Variants in CAST observed in about 807,000 individuals in gnomAD.
CAST encodes the protein MIR583 host.
In CAST, 76 loss-of-function variants were observed where a neutral mutation model predicts 119.6. That is an observed-to-expected ratio of 0.64 (90% CI 0.53 to 0.77). The LOEUF is 0.77. Ranked by LOEUF, CAST falls within the 30% of genes least tolerant of loss-of-function variation. The pLI, the probability that CAST is intolerant of heterozygous loss-of-function variation, is 0.00. For synonymous variants in CAST, 319 were observed against 331.6 expected, an observed-to-expected ratio of 0.96 and a Z score of 0.41; for missense variants, 953 against 946.5, an observed-to-expected ratio of 1.01 and a Z score of -0.09.
the CAST span, among the ~76,000 whole-genome samples, chr5:96,516,848 C>T: frequency 6.6e-6 from 1 of 152,196 alleles, no homozygotes; most frequent in Non-Finnish European, 1.5e-5. Flanking sequence ...GGGGAAAATG[C>T]CCAGCTCTAC....
At chr5:96,289,443 C>T in the CAST span, among the ~76,000 whole-genome samples, 1 of 152,052 alleles carries the variant, frequency 6.6e-6, no homozygotes, top group African/African-American at 2.4e-5. Context: ...GGGGCGGTTT[C>T]CCTGAATACT....
the CAST span, chr5:95,961,903 GC>G: frequency 1.7e-5 from 12 of 712,524 alleles, no homozygotes; most frequent in Non-Finnish European, 2.3e-5. Flanking sequence ...CCACCCTCCG[GC>G]CCCGCGCCCC....
At chr5:96,436,388 G>A in the CAST span, among the ~76,000 whole-genome samples, 1 of 152,048 alleles carries the variant, frequency 6.6e-6, no homozygotes, top group Non-Finnish European at 1.5e-5. Flanking sequence ...AACATTTTGG[G>A]CAATACATTA....
chr5:96,730,880 C>A lies in CAST; in HGVS notation c.630+20C>A. 1 of 1,568,532 alleles carries A rather than the reference C, an allele frequency of 6.4e-7. No individual in the cohort carries two copies. Among genetic ancestry groups the A allele is most frequent in the Non-Finnish European group, 8.8e-7 (1 of 1,138,046 alleles). ...GACAAGGTGAGCACACACAAGCAGA[C>A]GGAAACGTGGGCCTCTGTGCTTCTC... On this transcript the variant is annotated intron_variant, in intron 9 of 31. Transcript: ENST00000675179.
At chr5:95,998,046 G>C in the CAST span, among the ~76,000 whole-genome samples, 2 of 133,124 alleles carry the variant, frequency 1.5e-5, no homozygotes, top group Admixed American at 8.4e-5. Flanking sequence ...GTATGTCCAT[G>C]TAATGGAATA....
At chr5:96,568,216 C>T (rs780661416) in intron 1 of CAST, among the ~76,000 whole-genome samples, 18 of 152,228 alleles carry the variant, frequency 1.2e-4, no homozygotes, top group Non-Finnish European at 2.5e-4. Context: ...ACCCCCTTGA[C>T]TCTCAAACTG....
the CAST span, among the ~76,000 whole-genome samples, chr5:95,970,519 G>A: frequency 1.3e-5 from 2 of 152,204 alleles, no homozygotes; most frequent in African/African-American, 4.8e-5. Flanking sequence ...AGTGTGCACT[G>A]AATATTATCT....
the CAST span, among the ~76,000 whole-genome samples, chr5:96,229,375 A>G: frequency 6.6e-6 from 1 of 151,852 alleles, no homozygotes; most frequent in Non-Finnish European, 1.5e-5. Context: ...CTTTCCATCA[A>G]CAATGCCTTT....
At chr5:96,319,839 C>T in the CAST span, among the ~76,000 whole-genome samples, 3 of 151,848 alleles carry the variant, frequency 2.0e-5, no homozygotes, top group Non-Finnish European at 4.4e-5. Context: ...TAGAAAAAGG[C>T]CAGATAAAAT....
At chr5:96,021,857 TGA>T in the CAST span, among the ~76,000 whole-genome samples, 2 of 152,220 alleles carry the variant, frequency 1.3e-5, no homozygotes, top group African/African-American at 4.8e-5. Flanking sequence ...TTAACTTAAG[TGA>T]TCGGATTACA....
chr5:96,585,578 T>C (rs1746845211), intron 1 of CAST, among the ~76,000 whole-genome samples: 1 of 152,078 alleles, frequency 6.6e-6, no homozygotes, highest in African/African-American at 2.4e-5. Flanking sequence ...GCAATATGTG[T>C]TTAGAATGAA....
chr5:96,309,847 G>A, the CAST span, among the ~76,000 whole-genome samples: 6 of 152,198 alleles, frequency 3.9e-5, no homozygotes, highest in African/African-American at 7.2e-5. Context: ...GAAATCACCC[G>A]CCTTCTGCGT....
the CAST span, among the ~76,000 whole-genome samples, chr5:96,383,223 G>A: frequency 6.7e-6 from 1 of 149,368 alleles, no homozygotes; most frequent in African/African-American, 2.5e-5. Context: ...GCTCTGAAGG[G>A]TGAATAGGAA....
chr5:96,132,194 G>A, the CAST span, among the ~76,000 whole-genome samples: 1 of 152,036 alleles, frequency 6.6e-6, no homozygotes, highest in Non-Finnish European at 1.5e-5. Context: ...GGGAGGGAAA[G>A]AGGGAAGCAA....
intron 1 of CAST, among the ~76,000 whole-genome samples, chr5:96,619,498 C>G (rs1282181868): frequency 6.6e-6 from 1 of 152,220 alleles, no homozygotes; most frequent in Middle Eastern, 3.2e-3. Context: ...GCTGCCCGAA[C>G]TAGCAGCAGC....
At chr5:96,000,224 T>TA in the CAST span, among the ~76,000 whole-genome samples, 1 of 152,202 alleles carries the variant, frequency 6.6e-6, no homozygotes, top group East Asian at 1.9e-4. Context: ...TTCCTGGTGA[T>TA]ATCTTTTGTA....
chr5:96,704,954 C>T (rs1385441920), intron 3 of CAST, among the ~76,000 whole-genome samples: 1 of 152,140 alleles, frequency 6.6e-6, no homozygotes, highest in Non-Finnish European at 1.5e-5. Flanking sequence ...CAGAGCGTGA[C>T]CGAAAGCACT....
At chr5:96,342,237 T>C in the CAST span, among the ~76,000 whole-genome samples, 1 of 152,200 alleles carries the variant, frequency 6.6e-6, no homozygotes, top group Admixed American at 6.5e-5. Context: ...TATGACTTCA[T>C]AGACAAATAG....
the CAST span, among the ~76,000 whole-genome samples, chr5:96,319,687 A>G: frequency 2.6e-5 from 4 of 152,170 alleles, no homozygotes; most frequent in African/African-American, 9.6e-5. Context: ...CAAAGTTACC[A>G]GTAAGCAACC....
Sources: allele counts gnomAD v4.1 joint callset (sites outside exome capture counted in the v4.1 genomes callset), GRCh38; gene constraint gnomAD v4.1.1; transcripts MANE v1.5; gene names NCBI Gene and HGNC (gene_info 2026-07-23, HGNC 2026-07-21).